Variants in HPD observed in about 807,000 individuals in gnomAD.
HPD encodes the protein 4-hydroxyphenylpyruvate dioxygenase, also known as 4-hydroxyphenylpyruvic acid oxidase.
In HPD, 35 loss-of-function variants were observed where a neutral mutation model predicts 56.9. That is an observed-to-expected ratio of 0.62 (90% CI 0.47 to 0.82). The LOEUF (loss-of-function observed/expected upper bound fraction) is 0.82, where lower values mean the gene tolerates loss of function less well. Among genes scored for constraint, HPD ranks in the 40% least tolerant of loss-of-function variants. HPD has a pLI of 0.00. For synonymous variants in HPD, 186 were observed against 200.2 expected (o/e 0.93, Z 0.60); for missense variants, 442 against 506.8 (o/e 0.87, Z 1.23).
chr12:121,886,263 C>T, the HPD span, among the ~76,000 whole-genome samples: 1 of 151,778 alleles, frequency 6.6e-6, no homozygotes, highest in African/African-American at 2.4e-5. Context: ...CACGTGCCAC[C>T]ATGCCCGGCT....
intron 7 of HPD, among the ~76,000 whole-genome samples, chr12:121,854,418 G>A (rs1877917357): frequency 6.6e-6 from 1 of 152,130 alleles, no homozygotes; most frequent in African/African-American, 2.4e-5. Context: ...AGCTCGTGTG[G>A]GAACTGATGT....
chr12:121,874,784 G>A, the HPD span, among the ~76,000 whole-genome samples: 3 of 147,648 alleles, frequency 2.0e-5, no homozygotes, highest in Admixed American at 1.4e-4. Flanking sequence ...TTTTTGAGAC[G>A]TAGTTTCGCT....
At chr12:121,851,703 T>A (rs200736245) in intron 7 of HPD, among the ~76,000 whole-genome samples, 619 of 2,380 alleles carry the variant, frequency 0.26, 19 homozygotes, top group Middle Eastern at 0.5. Flanking sequence ...TTATTTATTT[T>A]TTTTTTTTTT....
intron 11 of HPD, 22 bp downstream of exon 11, chr12:121,846,840 G>C (rs183844361): frequency 6.2e-7 from 1 of 1,611,318 alleles, no homozygotes; most frequent in Admixed American, 1.7e-5. Flanking sequence ...AGAGGAATTC[G>C]GACAGGGAAG....
At chr12:121,864,197 T>C (rs1878260723), upstream of HPD, among the ~76,000 whole-genome samples, 1 of 150,400 alleles carries the variant, frequency 6.6e-6, no homozygotes, top group Non-Finnish European at 1.5e-5. Context: ...TGAGCTGAGA[T>C]CGTGCCACTG....
chr12:121,852,948 G>T (rs1008611285), intron 7 of HPD, among the ~76,000 whole-genome samples: 1 of 152,174 alleles, frequency 6.6e-6, no homozygotes, highest in Non-Finnish European at 1.5e-5. Flanking sequence ...GGATCCTTAC[G>T]ATGACCCTAT....
chr12:121,848,952 G>A (rs1369721210), intron 9 of HPD, 47 bp downstream of exon 9: 13 of 1,401,638 alleles, frequency 9.3e-6, no homozygotes, highest in Admixed American at 5.0e-5. Context: ...CCAGTCCACC[G>A]TGAGGACCCG....
At chr12:121,879,881 G>A in the HPD span, among the ~76,000 whole-genome samples, 3 of 152,142 alleles carry the variant, frequency 2.0e-5, no homozygotes, top group Non-Finnish European at 4.4e-5. Flanking sequence ...CAGGTGCAGT[G>A]GCTCATGCCT....
the HPD span, among the ~76,000 whole-genome samples, chr12:121,884,883 A>G: frequency 1.3e-5 from 2 of 151,954 alleles, no homozygotes; most frequent in African/African-American, 4.8e-5. Context: ...CTTGTCTACA[A>G]ATATATATCT....
chr12:121,851,349 T>G (rs900431111), intron 7 of HPD, among the ~76,000 whole-genome samples: 1 of 146,772 alleles, frequency 6.8e-6, no homozygotes, highest in Admixed American at 6.9e-5. Flanking sequence ...TTTTTAAAAT[T>G]TTTATTTATT....
At chr12:121,843,265 T>C (rs1455637994) in intron 12 of HPD, among the ~76,000 whole-genome samples, 2 of 152,228 alleles carry the variant, frequency 1.3e-5, no homozygotes, top group Admixed American at 6.5e-5. Flanking sequence ...CTGTCTGACC[T>C]AGGTCATCGC....
upstream of HPD, among the ~76,000 whole-genome samples, chr12:121,866,122 C>A (rs919713816): frequency 6.6e-6 from 1 of 151,844 alleles, no homozygotes; most frequent in South Asian, 2.1e-4. Flanking sequence ...ACGGTGAAAC[C>A]CTGTCTCTAC....
chr12:121,867,784 A>G (rs553298324), upstream of HPD, among the ~76,000 whole-genome samples: 118 of 151,882 alleles, frequency 7.8e-4, no homozygotes, highest in African/African-American at 2.8e-3. Flanking sequence ...AAAGGGAGGG[A>G]CCCCTGGGAT....
the HPD span, among the ~76,000 whole-genome samples, chr12:121,879,106 G>A: frequency 1.3e-5 from 2 of 152,018 alleles, no homozygotes; most frequent in African/African-American, 4.8e-5. Context: ...CCACCTTGGC[G>A]AAGCTCTGTC....
chr12:121,874,908 T>C, the HPD span, among the ~76,000 whole-genome samples: 2 of 152,092 alleles, frequency 1.3e-5, no homozygotes, highest in African/African-American at 4.8e-5. Flanking sequence ...ATTACAGGCA[T>C]GTGCCACCAC....
chr12:121,879,504 T>TCTCTTCTCTTCTCTTTTTTC, the HPD span, among the ~76,000 whole-genome samples: 1 of 149,546 alleles, frequency 6.7e-6, no homozygotes, highest in Non-Finnish European at 1.5e-5. Flanking sequence ...TCTCTTCTCT[T>TCTCTTCTCTTCTCTTTTTTC]TTTTCTTTTC....
the HPD span, among the ~76,000 whole-genome samples, chr12:121,871,368 TA>T: frequency 0.47 from 68,897 of 148,080 alleles, 16,177 homozygotes; most frequent in African/African-American, 0.55. Context: ...CTGTCTCAAT[TA>T]AAAAAAAAAA....
intron 12 of HPD, 96 bp downstream of exon 12, chr12:121,843,614 C>T (rs1877476085): frequency 8.3e-6 from 12 of 1,447,112 alleles, no homozygotes; most frequent in Non-Finnish European, 1.1e-5. Context: ...GGGACTTGGT[C>T]TGGGCTCCCC....
At chr12:121,856,176 C>G (rs753671322) in intron 6 of HPD, 148 bp downstream of exon 6, 4 of 725,490 alleles carry the variant, frequency 5.5e-6, no homozygotes, top group Non-Finnish European at 1.0e-5. Context: ...CTGGGCTTGT[C>G]ACTGTGATGC....
Sources: allele counts gnomAD v4.1 joint callset (sites outside exome capture counted in the v4.1 genomes callset), GRCh38; gene constraint gnomAD v4.1.1; transcripts MANE v1.5; gene names NCBI Gene and HGNC (gene_info 2026-07-23, HGNC 2026-07-21).